The following SLC25A21 variants were observed in gnomAD, a reference collection of about 807,000 sequenced individuals.
SLC25A21 encodes the protein mitochondrial 2-oxodicarboxylate carrier.
A neutral mutation model predicts 43.8 loss-of-function variants in SLC25A21; 47 were observed. The ratio of observed to expected loss-of-function variants is 1.07; its 90% confidence interval spans 0.85 to 1.37. The LOEUF (loss-of-function observed/expected upper bound fraction) is 1.37. SLC25A21 is among the 40% of genes most tolerant of loss of function. The pLI, the probability that SLC25A21 is intolerant of heterozygous loss-of-function variation, is 0.00. For synonymous variants in SLC25A21, 131 were observed against 121.3 expected, an observed-to-expected ratio of 1.08 and a Z score of -0.52; for missense variants, 352 against 350.2, an observed-to-expected ratio of 1.00 and a Z score of -0.04.
chr14:36,761,885 T>C (rs1219298382), intron 3 of SLC25A21, among the ~76,000 whole-genome samples: 1 of 152,218 alleles, frequency 6.6e-6, no homozygotes, highest in African/African-American at 2.4e-5. Context: ...CTGGGTTTAA[T>C]TTTAGTTTTT....
chr14:36,926,016 C>T (rs994425206), intron 1 of SLC25A21, among the ~76,000 whole-genome samples: 14 of 152,142 alleles, frequency 9.2e-5, no homozygotes, highest in African/African-American at 3.4e-4. Context: ...ACCATATTGG[C>T]ATGTATAAAA....
In SLC25A21 at chr14:36,682,038, T is replaced by G. The variant is rs528716559; in HGVS notation, c.839-1319A>C. 3.3e-5 allele frequency among the ~76,000 whole-genome samples: 5 copies of G among 152,344 alleles called. No homozygotes were observed. In the South Asian group the frequency reaches 1.0e-3, roughly 32 times the overall value. On this transcript the variant is annotated intron_variant, in intron 9 of 9. Transcript: ENST00000331299. ...AATCACAGACTTCAAGATTCTTTCA[T>G]GGAAGGTACCTGATTGTTAGCCACA...
intron 1 of SLC25A21, among the ~76,000 whole-genome samples, chr14:36,996,650 C>T (rs1960378296): frequency 6.6e-6 from 1 of 151,938 alleles, no homozygotes; most frequent in African/African-American, 2.4e-5. Flanking sequence ...TTATAGAACA[C>T]CCAGAAGCAA....
chr14:37,155,685 T>C (rs959385990), intron 1 of SLC25A21, among the ~76,000 whole-genome samples: 1 of 152,128 alleles, frequency 6.6e-6, no homozygotes, highest in African/African-American at 2.4e-5. Context: ...ACTTTCACCC[T>C]AGAATACTAT....
intron 1 of SLC25A21, among the ~76,000 whole-genome samples, chr14:36,949,563 C>T (rs1281653560): frequency 1.3e-5 from 2 of 152,210 alleles, no homozygotes; most frequent in Non-Finnish European, 2.9e-5. Context: ...ACTTCCTCCC[C>T]GCTGCCTGGC....
chr14:37,075,572 C>G (rs1962263120), intron 1 of SLC25A21, among the ~76,000 whole-genome samples: 1 of 152,102 alleles, frequency 6.6e-6, no homozygotes, highest in African/African-American at 2.4e-5. Flanking sequence ...TGTGGGCACT[C>G]ACTTTCCATA....
At chr14:36,986,477 G>A (rs961124527) in intron 1 of SLC25A21, among the ~76,000 whole-genome samples, 1 of 152,120 alleles carries the variant, frequency 6.6e-6, no homozygotes, top group African/African-American at 2.4e-5. Flanking sequence ...TAATCTGTGG[G>A]AATCCTGAAG....
At chr14:36,979,776 T>G (rs1425676499) in intron 1 of SLC25A21, among the ~76,000 whole-genome samples, 1 of 152,120 alleles carries the variant, frequency 6.6e-6, no homozygotes, top group East Asian at 1.9e-4. Context: ...TTTAAAAACT[T>G]TGTGTGTAAA....
chr14:36,821,817 AAAAACAAAAC>A (rs528829909), intron 2 of SLC25A21, among the ~76,000 whole-genome samples: 3 of 152,182 alleles, frequency 2.0e-5, no homozygotes, highest in Non-Finnish European at 2.9e-5. Context: ...ATTCTGTCTC[AAAAACAAAAC>A]AAAACAAAAC....
intron 1 of SLC25A21, among the ~76,000 whole-genome samples, chr14:37,102,843 G>C (rs1962842431): frequency 6.6e-6 from 1 of 151,906 alleles, no homozygotes; most frequent in African/African-American, 2.4e-5. Context: ...AAATAAGCCA[G>C]GCATGGTGGC....
chr14:36,932,990 G>GGTTGTTTGGTA lies in SLC25A21; in HGVS notation c.71-57987_71-57986insTACCAAACAAC, dbSNP rs574518285. Reference sequence around the variant, plus strand: ...TAAAAAAAGAACTAAATAAATGTTAGGCATTGTTGTTTGGTAGAATTACAT... The same window carrying GGTTGTTTGGTA: ...TAAAAAAAGAACTAAATAAATGTTAGGTTGTTTGGTAGCATTGTTGTTTGGTAGAATTACAT... On this transcript the variant is annotated intron_variant, in intron 1 of 9. Transcript: ENST00000331299. Among the ~76,000 whole-genome samples the GGTTGTTTGGTA allele has an allele frequency of 2.9e-4, 44 of 152,192 alleles. No individual in the cohort carries two copies. The South Asian group carries it at 8.7e-3, about 30-fold the overall frequency.
chr14:37,051,855 C>G (rs1309041787), intron 1 of SLC25A21, among the ~76,000 whole-genome samples: 2 of 152,184 alleles, frequency 1.3e-5, no homozygotes, highest in East Asian at 1.9e-4. Flanking sequence ...GATCTCCCAC[C>G]AGGGCCTTCC....
chr14:37,151,903 C>T (rs1345436901), intron 1 of SLC25A21, among the ~76,000 whole-genome samples: 1 of 152,044 alleles, frequency 6.6e-6, no homozygotes, highest in Non-Finnish European at 1.5e-5. Context: ...GGCAGGGTGG[C>T]ATGTGCCTGT....
chr14:36,994,251 C>T (rs530496706), intron 1 of SLC25A21, among the ~76,000 whole-genome samples: 72 of 152,232 alleles, frequency 4.7e-4, no homozygotes, highest in Non-Finnish European at 1.0e-4. Context: ...TGCATTTTAT[C>T]TTGAAGATGG....
chr14:37,150,557 C>T (rs1207682340), intron 1 of SLC25A21, among the ~76,000 whole-genome samples: 1 of 152,138 alleles, frequency 6.6e-6, no homozygotes, highest in African/African-American at 2.4e-5. Flanking sequence ...GGCAAAGATG[C>T]TTTGCAATAG....
intron 1 of SLC25A21, among the ~76,000 whole-genome samples, chr14:37,098,746 T>C (rs11845801): frequency 0.078 from 2,380 of 30,604 alleles, 36 homozygotes; most frequent in Middle Eastern, 0.21. Flanking sequence ...GATAGATAGA[T>C]AGACAGACAG....
Position 36,779,333 on chromosome 14 carries a change from C to A in SLC25A21, c.203+34585G>T, listed in dbSNP as rs138054900. 9.3e-3 allele frequency among the ~76,000 whole-genome samples: 1,318 copies of A among 142,162 alleles called. 13 individuals carry two copies. The highest frequency in any genetic ancestry group is 0.013 in the Non-Finnish European group (838 of 65,626). The allele number at this position is 142,162 out of a possible 152,430, so 93.3% of individuals were successfully genotyped here. On this transcript the variant is annotated intron_variant, in intron 3 of 9. Transcript: ENST00000331299. ...TATTCTTATATATAAAGAATATTAT[C>A]CAGCCTTTTAAAAAAAGAAGGAATT...
At chr14:36,930,480 C>A (rs1892256639) in intron 1 of SLC25A21, among the ~76,000 whole-genome samples, 1 of 152,090 alleles carries the variant, frequency 6.6e-6, no homozygotes, top group Non-Finnish European at 1.5e-5. Flanking sequence ...ACCCCTTAAC[C>A]TCTCTTAATT....
intron 1 of SLC25A21, among the ~76,000 whole-genome samples, chr14:37,001,211 T>C (rs1960481753): frequency 6.6e-6 from 1 of 152,190 alleles, no homozygotes; most frequent in South Asian, 2.1e-4. Flanking sequence ...CTTCAGCACA[T>C]AGAATTGTGC....
Sources: gnomAD v4.1 joint callset for allele counts (sites outside exome capture counted in the v4.1 genomes callset) on GRCh38, gnomAD v4.1.1 for gene constraint, MANE v1.5 for transcripts, NCBI Gene and HGNC (gene_info 2026-07-23, HGNC 2026-07-21) for gene names.